The following GTF2H1 variants were observed in gnomAD, a reference collection of about 807,000 sequenced individuals.
GTF2H1 encodes the protein general transcription factor IIH subunit 1.
A neutral mutation model predicts 71.2 loss-of-function variants in GTF2H1; 16 were observed. The observed-to-expected ratio is 0.22, with a 90% CI of 0.15 to 0.34. GTF2H1 has a LOEUF of 0.34. Among genes scored for constraint, GTF2H1 ranks in the 10% least tolerant of loss-of-function variants. GTF2H1 has a pLI of 1.00. For synonymous variants in GTF2H1, 215 were observed against 219.0 expected (o/e 0.98, Z 0.16); for missense variants, 498 against 648.2 (o/e 0.77, Z 2.52).
intron 14 of GTF2H1, among the ~76,000 whole-genome samples, chr11:18,360,927 T>C (rs1865681474): frequency 6.6e-6 from 1 of 151,832 alleles, no homozygotes; most frequent in Non-Finnish European, 1.5e-5. Context: ...TGCCTCAGCC[T>C]TCTGAGTAGC....
intron 7 of GTF2H1, among the ~76,000 whole-genome samples, chr11:18,342,260 T>C (rs112771961): frequency 1.6e-5 from 2 of 126,632 alleles, no homozygotes; most frequent in Non-Finnish European, 3.2e-5. Flanking sequence ...CTCTTTTTTT[T>C]TTTTTTTTTT....
chr11:18,341,708 A>G (rs1590188664), intron 7 of GTF2H1, 101 bp downstream of exon 7: 3 of 689,014 alleles, frequency 4.4e-6, no homozygotes, highest in East Asian at 5.4e-5. Flanking sequence ...AGAATGTCAA[A>G]TAAGCAAAAT....
chr11:18,353,409 A>G (rs1865472257), intron 11 of GTF2H1, among the ~76,000 whole-genome samples: 1 of 152,050 alleles, frequency 6.6e-6, no homozygotes, highest in South Asian at 2.1e-4. Flanking sequence ...AGTCTCCGCT[A>G]CTCCCTTCCA....
Position 18,347,925 on chromosome 11 carries a change from G to A in GTF2H1, c.1053+6G>A, listed in dbSNP as rs1193333035. ...TTCAGCCAGCAGTCAAAAGGGTATG[G>A]GCAAAAAAATATGAACCATTTGGGG... is the stretch of plus-strand genomic sequence containing the variant. On this transcript the variant is annotated splice_donor_region_variant and intron_variant, in intron 9 of 14. Transcript: ENST00000265963. 1.2e-6 allele frequency: 2 copies of A among 1,600,718 alleles called. No individual in the cohort carries two copies. Among genetic ancestry groups the A allele is most frequent in the East Asian group, 2.2e-5 (1 of 44,802 alleles).
At chr11:18,354,799 G>GTTTCTTTTTGTT in intron 11 of GTF2H1, among the ~76,000 whole-genome samples, 1 of 151,104 alleles carries the variant, frequency 6.6e-6, no homozygotes, top group Non-Finnish European at 1.5e-5. Flanking sequence ...TTTTTTCTTT[G>GTTTCTTTTTGTT]TTTCTTTTTG....
intron 2 of GTF2H1, chr11:18,333,453 T>G (rs1554953312): frequency 2.9e-6 from 1 of 340,684 alleles, no homozygotes; most frequent in Non-Finnish European, 5.3e-6. Context: ...GACATATAGA[T>G]CTCCACACAC....
chr11:18,324,320 G>C (rs532618143), intron 1 of GTF2H1: 1 of 152,220 alleles, frequency 6.6e-6, no homozygotes, highest in African/African-American at 2.4e-5. Flanking sequence ...TCTCTTAGGT[G>C]ATATAAAATA....
At chr11:18,339,678 C>G in intron 5 of GTF2H1, 21 bp downstream of exon 5, 1 of 1,346,332 alleles carries the variant, frequency 7.4e-7, no homozygotes, top group Admixed American at 1.7e-5. Context: ...TCAGTTCTTT[C>G]AGATGGTTAA....
chr11:18,325,610 T>C (rs1864744600), intron 1 of GTF2H1, among the ~76,000 whole-genome samples: 1 of 152,182 alleles, frequency 6.6e-6, no homozygotes, highest in African/African-American at 2.4e-5. Flanking sequence ...AAAAATTATG[T>C]TGTTGTAAGT....
chr11:18,337,396 G>T (rs1459449972), intron 3 of GTF2H1, among the ~76,000 whole-genome samples: 1 of 152,046 alleles, frequency 6.6e-6, no homozygotes, highest in Non-Finnish European at 1.5e-5. Context: ...AGTGAGCTGA[G>T]ATCATGCCAG....
At chr11:18,339,478 T>C (rs1865106200) in intron 4 of GTF2H1, 86 bp from the exon 5 acceptor site, 2 of 857,966 alleles carry the variant, frequency 2.3e-6, no homozygotes, top group South Asian at 3.2e-5. Flanking sequence ...GAAATTTTTT[T>C]TTCCACCTTT....
intron 7 of GTF2H1, among the ~76,000 whole-genome samples, chr11:18,344,929 G>C (rs960486661): frequency 1.3e-5 from 2 of 152,228 alleles, no homozygotes; most frequent in South Asian, 4.2e-4. Flanking sequence ...TTTCTCGCCA[G>C]GTGGGGTGGC....
intron 1 of GTF2H1, among the ~76,000 whole-genome samples, chr11:18,323,450 G>A (rs1038567304): frequency 2.0e-5 from 3 of 151,946 alleles, no homozygotes; most frequent in African/African-American, 7.3e-5. Flanking sequence ...TACAGTGCCT[G>A]GCCCCAAATG....
At chr11:18,358,174 A>C in intron 12 of GTF2H1, 132 bp downstream of exon 12, 1 of 656,428 alleles carries the variant, frequency 1.5e-6, no homozygotes, top group Non-Finnish European at 2.7e-6. Context: ...ATTTGTTTTT[A>C]TACATTCAGA....
intron 1 of GTF2H1, among the ~76,000 whole-genome samples, chr11:18,327,963 C>T (rs1460274592): frequency 6.6e-6 from 1 of 152,100 alleles, no homozygotes; most frequent in African/African-American, 2.4e-5. Context: ...AATCGCAGCA[C>T]TTTGGGAGAC....
At chr11:18,365,361 G>A (rs575932863) in intron 14 of GTF2H1, among the ~76,000 whole-genome samples, 7 of 152,210 alleles carry the variant, frequency 4.6e-5, no homozygotes, top group African/African-American at 1.7e-4. Flanking sequence ...CTGGGTGACA[G>A]AGCAAGACTC....
At chr11:18,350,033 A>C (rs992224572) in intron 9 of GTF2H1, among the ~76,000 whole-genome samples, 2 of 152,234 alleles carry the variant, frequency 1.3e-5, no homozygotes, top group Non-Finnish European at 2.9e-5. Flanking sequence ...CTTTGACACC[A>C]TCATAAAGTT....
At chr11:18,337,972 G>A in intron 3 of GTF2H1, 137 bp from the exon 4 acceptor site, 1 of 572,084 alleles carries the variant, frequency 1.7e-6, no homozygotes. Context: ...GTGAACTGAA[G>A]GACCTCTGCT....
rs187424927 is a variant in GTF2H1 at position 18,365,035 on chromosome 11, G to C, written c.1561-748G>C. The stretch of plus-strand genomic sequence containing the variant: ...GCTTGAGCCCAGGAGTTCGAGACCA[G>C]CCTGGGCAGCATAGCAAGAGTCCAT... On this transcript the variant is annotated intron_variant, in intron 14 of 14. Transcript: ENST00000265963. 2.9e-4 allele frequency among the ~76,000 whole-genome samples: 42 copies of C among 147,072 alleles called. 1 individual carries two copies. In the East Asian group the frequency reaches 5.9e-3, roughly 21 times the overall value.
Sources: allele counts gnomAD v4.1 joint callset (sites outside exome capture counted in the v4.1 genomes callset), GRCh38; gene constraint gnomAD v4.1.1; transcripts MANE v1.5; gene names NCBI Gene and HGNC (gene_info 2026-07-23, HGNC 2026-07-21).